LRRTM4: variants seen among roughly 807,000 people sequenced by gnomAD.
LRRTM4 encodes leucine rich repeat transmembrane neuronal 4.
Under a neutral mutation model 47.6 loss-of-function variants are expected in LRRTM4, and 25 were observed. That is an observed-to-expected ratio of 0.53 (90% CI 0.38 to 0.73). The LOEUF is 0.73. LRRTM4 is among the 30% of genes least tolerant of loss of function. The probability of loss-of-function intolerance (pLI) is 0.00; values close to 1 mark genes in which losing one functional copy is unlikely to be tolerated. For synonymous variants in LRRTM4, 311 were observed against 269.5 expected (o/e 1.15, Z -1.51); for missense variants, 638 against 713.4 (o/e 0.89, Z 1.20).
chr2:77,387,590 G>A (rs982743106), intron 3 of LRRTM4, among the ~76,000 whole-genome samples: 2 of 152,058 alleles, frequency 1.3e-5, no homozygotes, highest in African/African-American at 2.4e-5. Context: ...GGGAGCCCAC[G>A]TGAACACACA....
intron 3 of LRRTM4, among the ~76,000 whole-genome samples, chr2:77,350,331 T>C (rs1671717360): frequency 8.0e-5 from 1 of 12,464 alleles, no homozygotes; most frequent in Admixed American, 1.6e-3. Flanking sequence ...AGACTCCGTC[T>C]CAAAAAAAAA....
At chr2:77,509,251 A>AAAAC (rs1052416363) in intron 3 of LRRTM4, among the ~76,000 whole-genome samples, 7 of 149,880 alleles carry the variant, frequency 4.7e-5, no homozygotes, top group Non-Finnish European at 8.9e-5. Context: ...AAAAAAGCCA[A>AAAAC]AAACAAACAA....
At chr2:76,832,827 A>G (rs923052458) in intron 3 of LRRTM4, among the ~76,000 whole-genome samples, 4 of 152,076 alleles carry the variant, frequency 2.6e-5, no homozygotes, top group Non-Finnish European at 5.9e-5. Flanking sequence ...ATTAGGGTGC[A>G]AGGTTTGCAG....
intron 3 of LRRTM4, among the ~76,000 whole-genome samples, chr2:77,288,209 A>C (rs1313830083): frequency 2.0e-5 from 3 of 151,880 alleles, no homozygotes; most frequent in Non-Finnish European, 4.4e-5. Flanking sequence ...TAGAAAAAAT[A>C]ATTTATAAAT....
intron 3 of LRRTM4, among the ~76,000 whole-genome samples, chr2:77,049,180 T>C (rs1679344034): frequency 7.5e-6 from 1 of 132,630 alleles, no homozygotes; most frequent in African/African-American, 3.2e-5. Flanking sequence ...ACACCACATT[T>C]TCTTTATCCA....
chr2:76,960,813 A>G (rs1675832370), intron 3 of LRRTM4, among the ~76,000 whole-genome samples: 1 of 151,540 alleles, frequency 6.6e-6, no homozygotes, highest in African/African-American at 2.4e-5. Context: ...AAATCATACC[A>G]TTCTTATAAA....
At chr2:76,773,998 G>A (rs938501029) in intron 3 of LRRTM4, among the ~76,000 whole-genome samples, 1 of 151,946 alleles carries the variant, frequency 6.6e-6, no homozygotes, top group African/African-American at 2.4e-5. Context: ...TTTGAACAAT[G>A]TGCGGATGAA....
At chr2:77,115,507 G>A (rs1166494286) in intron 3 of LRRTM4, among the ~76,000 whole-genome samples, 2 of 152,084 alleles carry the variant, frequency 1.3e-5, no homozygotes, top group Non-Finnish European at 2.9e-5. Context: ...ATTAATTTGG[G>A]GAACTGATAA....
intron 3 of LRRTM4, among the ~76,000 whole-genome samples, chr2:77,334,891 CTTGCATGTGTGT>C (rs1671104912): frequency 6.6e-6 from 1 of 152,122 alleles, no homozygotes; most frequent in Non-Finnish European, 1.5e-5. Context: ...AAATAACTCT[CTTGCATGTGTGT>C]TTTGGCCAAT....
At chr2:77,183,958 G>A (rs574944625) in intron 3 of LRRTM4, among the ~76,000 whole-genome samples, 40 of 152,106 alleles carry the variant, frequency 2.6e-4, no homozygotes, top group Non-Finnish European at 2.2e-4. Context: ...GGAATGGATA[G>A]AATTAGGAGA....
intron 3 of LRRTM4, among the ~76,000 whole-genome samples, chr2:76,857,448 G>T (rs895422048): frequency 1.3e-5 from 2 of 151,636 alleles, no homozygotes; most frequent in Admixed American, 1.3e-4. Context: ...GTAAGGCTTT[G>T]GTCAAGAATA....
chr2:77,278,609 T>C (rs560916942), intron 3 of LRRTM4, among the ~76,000 whole-genome samples: 1 of 151,824 alleles, frequency 6.6e-6, no homozygotes, highest in East Asian at 1.9e-4. Context: ...AAATTAAAAG[T>C]AAAAATGTGA....
intron 3 of LRRTM4, among the ~76,000 whole-genome samples, chr2:77,402,170 G>A (rs1240973422): frequency 6.6e-6 from 1 of 151,914 alleles, no homozygotes; most frequent in African/African-American, 2.4e-5. Context: ...GTATGAGACA[G>A]GGTCTCGCTA....
chr2:76,833,851 T>A (rs889252044), intron 3 of LRRTM4, among the ~76,000 whole-genome samples: 1 of 151,656 alleles, frequency 6.6e-6, no homozygotes, highest in African/African-American at 2.4e-5. Context: ...ACTGTGCTAT[T>A]TAATCACAAA....
intron 3 of LRRTM4, among the ~76,000 whole-genome samples, chr2:77,420,686 C>CT (rs1003526876): frequency 4.1e-5 from 6 of 147,918 alleles, no homozygotes; most frequent in African/African-American, 5.0e-5. Context: ...GGAGCCTTGT[C>CT]TTTTTTTTAC....
At chr2:77,406,346 G>A (rs887970467) in intron 3 of LRRTM4, among the ~76,000 whole-genome samples, 6 of 152,034 alleles carry the variant, frequency 3.9e-5, no homozygotes, top group Admixed American at 3.3e-4. Flanking sequence ...ATTAGAGACA[G>A]GGTCTCATTC....
chr2:77,052,813 T>A (rs1679484686), intron 3 of LRRTM4, among the ~76,000 whole-genome samples: 1 of 152,030 alleles, frequency 6.6e-6, no homozygotes, highest in African/African-American at 2.4e-5. Context: ...TGACACAGAA[T>A]TTTTTTAAAA....
intron 3 of LRRTM4, among the ~76,000 whole-genome samples, chr2:76,861,297 T>A (rs1309053172): frequency 6.6e-6 from 1 of 152,160 alleles, no homozygotes; most frequent in Non-Finnish European, 1.5e-5. Flanking sequence ...ACATGAAATA[T>A]CAGGCTAAAA....
intron 3 of LRRTM4, among the ~76,000 whole-genome samples, chr2:77,005,495 A>G (rs1677608769): frequency 1.3e-5 from 2 of 152,130 alleles, no homozygotes; most frequent in South Asian, 4.1e-4. Context: ...CAGGGGTGCA[A>G]TGATACGGTT....
Sources: gnomAD v4.1 joint callset for allele counts (sites outside exome capture counted in the v4.1 genomes callset) on GRCh38, gnomAD v4.1.1 for gene constraint, MANE v1.5 for transcripts, NCBI Gene and HGNC (gene_info 2026-07-23, HGNC 2026-07-21) for gene names.